Variants in SOX5 observed in about 807,000 individuals in gnomAD.
SOX5 encodes the protein transcription factor SOX-5.
SOX5 carries 9 observed loss-of-function variants against 92.0 expected under a neutral mutation model. That is an observed-to-expected ratio of 0.10 (90% CI 0.06 to 0.17). The LOEUF (loss-of-function observed/expected upper bound fraction) is 0.17, where lower values mean the gene tolerates loss of function less well. SOX5 is among the 10% of genes least tolerant of loss of function. The pLI is 1.00. For synonymous variants in SOX5, 344 were observed against 336.3 expected, an observed-to-expected ratio of 1.02 and a Z score of -0.25; for missense variants, 642 against 944.5, an observed-to-expected ratio of 0.68 and a Z score of 4.20.
intron 1 of SOX5, among the ~76,000 whole-genome samples, chr12:23,930,870 G>A (rs1405476810): frequency 6.6e-6 from 1 of 151,526 alleles, no homozygotes; most frequent in Non-Finnish European, 1.5e-5. Context: ...TTTGCTTTCG[G>A]TTCTCACCTT....
At chr12:24,140,667 AAT>A (rs1950505908) in intron 4 of SOX5, among the ~76,000 whole-genome samples, 2 of 152,254 alleles carry the variant, frequency 1.3e-5, no homozygotes, top group South Asian at 4.1e-4. Context: ...AAAGATAGAA[AAT>A]TCTCCCCCCT....
chr12:24,171,938 G>T (rs36084175), intron 4 of SOX5, among the ~76,000 whole-genome samples: 4,914 of 152,134 alleles, frequency 0.032, 91 homozygotes, highest in Middle Eastern at 0.065. Flanking sequence ...TTGAAGTTAG[G>T]GTTAGAGTTT....
chr12:24,077,890 G>A (rs1942850940), intron 4 of SOX5, among the ~76,000 whole-genome samples: 1 of 148,966 alleles, frequency 6.7e-6, no homozygotes, highest in Non-Finnish European at 1.5e-5. Flanking sequence ...AATTCTGAAT[G>A]TTACATTAAA....
intron 1 of SOX5, among the ~76,000 whole-genome samples, chr12:24,488,274 T>G (rs141508361): frequency 6.6e-5 from 10 of 152,204 alleles, no homozygotes; most frequent in Non-Finnish European, 1.3e-4. Flanking sequence ...ATACAATGCA[T>G]GTCTGATCAA....
intron 3 of SOX5, among the ~76,000 whole-genome samples, chr12:23,809,153 G>A (rs550342862): frequency 1.3e-5 from 2 of 152,128 alleles, no homozygotes; most frequent in South Asian, 2.1e-4. Context: ...ATATTTCTAC[G>A]TGTTTATATA....
chr12:23,962,189 A>G (rs1947022240), intron 4 of SOX5, among the ~76,000 whole-genome samples: 1 of 151,394 alleles, frequency 6.6e-6, no homozygotes, highest in African/African-American at 2.4e-5. Context: ...AAAGGATAAG[A>G]AAGAACAAAC....
At chr12:24,556,450 A>T (rs1321040179) in intron 1 of SOX5, among the ~76,000 whole-genome samples, 1 of 152,184 alleles carries the variant, frequency 6.6e-6, no homozygotes, top group East Asian at 1.9e-4. Context: ...ACCAACCTAC[A>T]AGTTTCTCTT....
At chr12:24,156,826 T>C (rs1256596019) in intron 4 of SOX5, among the ~76,000 whole-genome samples, 2 of 152,152 alleles carry the variant, frequency 1.3e-5, no homozygotes, top group African/African-American at 4.8e-5. Flanking sequence ...AATCTATGCA[T>C]GGAATAGTTA....
At chr12:23,817,475 A>G (rs2096017644) in intron 3 of SOX5, among the ~76,000 whole-genome samples, 1 of 152,228 alleles carries the variant, frequency 6.6e-6, no homozygotes, top group Non-Finnish European at 1.5e-5. Flanking sequence ...AGTTGTGAAT[A>G]AGCAGAAATG....
At chr12:23,587,596 A>C (rs1950932265) in intron 9 of SOX5, among the ~76,000 whole-genome samples, 1 of 152,110 alleles carries the variant, frequency 6.6e-6, no homozygotes, top group Admixed American at 6.6e-5. Flanking sequence ...CGAGACCCTC[A>C]CAAAATTTTT....
At chr12:24,432,757 A>T (rs1938607406) in intron 1 of SOX5, among the ~76,000 whole-genome samples, 1 of 152,184 alleles carries the variant, frequency 6.6e-6, no homozygotes, top group Admixed American at 6.5e-5. Flanking sequence ...GATTGCAGTG[A>T]GCCAAGATCG....
Position 24,114,003 on chromosome 12 carries a change from C to A in SOX5, c.-2+99340G>T, listed in dbSNP as rs147535036. 2.6e-3 allele frequency among the ~76,000 whole-genome samples: 391 copies of A among 152,258 alleles called. 2 individuals are homozygous for A. The highest frequency in any genetic ancestry group is 9.0e-3 in the African/African-American group (373 of 41,554). ...GAGTTTTGTTAATGAAATTGGCAGT[C>A]CTCCAATAAAAGACCTCTCTATTTT... On this transcript the variant is annotated intron_variant, in intron 4 of 4. Coordinates refer to the SOX5 transcript ENST00000446891.
chr12:24,242,459 G>A (rs1965716105), intron 3 of SOX5, among the ~76,000 whole-genome samples: 2 of 152,224 alleles, frequency 1.3e-5, no homozygotes, highest in East Asian at 1.9e-4. Flanking sequence ...TACAAAAAAT[G>A]AGGACATTCT....
intron 3 of SOX5, among the ~76,000 whole-genome samples, chr12:24,222,555 C>T (rs1367369951): frequency 6.6e-6 from 1 of 151,936 alleles, no homozygotes; most frequent in African/African-American, 2.4e-5. Context: ...AAAAAGCAGG[C>T]GTTCATCAAG....
intron 2 of SOX5, among the ~76,000 whole-genome samples, chr12:24,350,661 T>C (rs1376086886): frequency 6.6e-6 from 1 of 152,170 alleles, no homozygotes. Context: ...CTTTTAACCT[T>C]AGCTTTTTTA....
intron 1 of SOX5, among the ~76,000 whole-genome samples, chr12:24,519,272 G>A (rs1950065282): frequency 6.6e-6 from 1 of 152,124 alleles, no homozygotes; most frequent in African/African-American, 2.4e-5. Context: ...GAACAGAACA[G>A]ACAAATATTT....
At chr12:23,703,710 C>T (rs990646770) in intron 6 of SOX5, among the ~76,000 whole-genome samples, 2 of 144,272 alleles carry the variant, frequency 1.4e-5, no homozygotes, top group Non-Finnish European at 3.0e-5. Context: ...CAAAAGCTTC[C>T]TCTTCATTTC....
At chr12:24,081,339 A>G (rs989875581) in intron 4 of SOX5, among the ~76,000 whole-genome samples, 1 of 152,020 alleles carries the variant, frequency 6.6e-6, no homozygotes, top group African/African-American at 2.4e-5. Flanking sequence ...TTAAATGTAG[A>G]ATTAATTTTG....
At chr12:23,583,182 T>G (rs529167568) in intron 9 of SOX5, among the ~76,000 whole-genome samples, 1 of 152,234 alleles carries the variant, frequency 6.6e-6, no homozygotes, top group South Asian at 2.1e-4. Context: ...CTTTTAATCT[T>G]TATTCTCCTT....
Sources: allele counts gnomAD v4.1 joint callset (sites outside exome capture counted in the v4.1 genomes callset), GRCh38; gene constraint gnomAD v4.1.1; transcripts MANE v1.5; gene names NCBI Gene and HGNC (gene_info 2026-07-23, HGNC 2026-07-21).